Variants in LARGE1 observed in about 807,000 individuals in gnomAD.
LARGE1 encodes LARGE xylosyl- and glucuronyltransferase 1, also known as xylosyl- and glucuronyltransferase LARGE1.
Under a neutral mutation model 87.6 loss-of-function variants are expected in LARGE1, and 43 were observed. That is an observed-to-expected ratio of 0.49 (90% CI 0.38 to 0.63). The LOEUF (loss-of-function observed/expected upper bound fraction) is 0.63. Ranked by LOEUF, LARGE1 falls within the 30% of genes least tolerant of loss-of-function variation. The pLI is 0.00. For synonymous variants in LARGE1, 434 were observed against 394.6 expected, an observed-to-expected ratio of 1.10 and a Z score of -1.18; for missense variants, 802 against 1,000.2, an observed-to-expected ratio of 0.80 and a Z score of 2.67.
intron 1 of LARGE1, among the ~76,000 whole-genome samples, chr22:33,850,459 C>T (rs2063554499): frequency 6.6e-6 from 1 of 152,174 alleles, no homozygotes; most frequent in Non-Finnish European, 1.5e-5. Context: ...TTTCCGCCTC[C>T]TCATTTGCAA....
chr22:33,882,691 C>T lies in LARGE1; in HGVS notation c.-83+37304G>A, dbSNP rs140366613. Among the ~76,000 whole-genome samples the T allele has an allele frequency of 4.1e-3, 625 of 152,274 alleles. 2 individuals carry two copies. The highest frequency in any genetic ancestry group is 7.3e-3 in the Non-Finnish European group (494 of 68,032). ...CAGAGTAAAAGGATGCACTGAATTA[C>T]CTCACTTCAGCATGTCTAGGAAACC... On this transcript the variant is annotated intron_variant, in intron 1 of 14. Coordinates refer to ENST00000397394, the MANE Select transcript of LARGE1 (RefSeq NM_133642.5).
At chr22:33,535,813 C>T (rs1467572627) in intron 6 of LARGE1, among the ~76,000 whole-genome samples, 1 of 152,214 alleles carries the variant, frequency 6.6e-6, no homozygotes, top group East Asian at 1.9e-4. Flanking sequence ...TCTGTGATGT[C>T]GGTTCCCCCG....
intron 6 of LARGE1, among the ~76,000 whole-genome samples, chr22:33,480,117 G>A (rs931617707): frequency 2.6e-5 from 4 of 152,120 alleles, no homozygotes; most frequent in Admixed American, 6.5e-5. Flanking sequence ...TGCCCCCCAG[G>A]AGCTACTCAA....
chr22:33,389,884 AAC>A (rs1569120087), intron 7 of LARGE1, among the ~76,000 whole-genome samples: 33 of 151,024 alleles, frequency 2.2e-4, no homozygotes, highest in African/African-American at 7.6e-4. Context: ...CCAACCAACC[AAC>A]CAACCAAACA....
At chr22:33,696,259 CTTTCT>C (rs749588501) in intron 2 of LARGE1, among the ~76,000 whole-genome samples, 1,070 of 121,648 alleles carry the variant, frequency 8.8e-3, no homozygotes, top group South Asian at 0.019. Context: ...TTCTTTCTTT[CTTTCT>C]TTTTTTTTTT....
intron 10 of LARGE1, among the ~76,000 whole-genome samples, chr22:33,335,365 T>G (rs1311325283): frequency 6.6e-6 from 1 of 151,952 alleles, no homozygotes; most frequent in Non-Finnish European, 1.5e-5. Flanking sequence ...TCTAGGGTGA[T>G]GGGGAGAAGG....
In LARGE1 at chr22:33,446,511, A is replaced by G. The variant is rs189590499; in HGVS notation, c.788-14246T>C. On this transcript the variant is annotated intron_variant, in intron 6 of 14. Coordinates refer to ENST00000397394, the MANE Select transcript of LARGE1 (RefSeq NM_133642.5). ...CTAATTCTGGGTAGTTAGGGTCAGA[A>G]GTGAATTGAATTGAATTGCAGGACA... Among the ~76,000 whole-genome samples the G allele has an allele frequency of 1.1e-4, 16 of 152,330 alleles. No homozygotes were observed. In the East Asian group the frequency reaches 2.1e-3, roughly 20 times the overall value.
intron 4 of LARGE1, among the ~76,000 whole-genome samples, chr22:33,621,374 G>A (rs1028957183): frequency 2.0e-5 from 3 of 152,180 alleles, no homozygotes; most frequent in Non-Finnish European, 2.9e-5. Flanking sequence ...GTTGGCATTA[G>A]TGTGCAAGTG....
At chr22:33,487,416 C>T (rs760903612) in intron 6 of LARGE1, among the ~76,000 whole-genome samples, 7 of 152,164 alleles carry the variant, frequency 4.6e-5, no homozygotes, top group South Asian at 2.1e-4. Context: ...ATCAGTCTAA[C>T]GGGTTTCTTG....
chr22:33,679,483 C>T (rs2081681860), intron 2 of LARGE1, among the ~76,000 whole-genome samples: 1 of 151,948 alleles, frequency 6.6e-6, no homozygotes, highest in Admixed American at 6.6e-5. Context: ...CACACACACA[C>T]ACACACACGA....
intron 1 of LARGE1, among the ~76,000 whole-genome samples, chr22:33,849,114 C>T (rs2063512032): frequency 6.6e-6 from 1 of 152,202 alleles, no homozygotes; most frequent in African/African-American, 2.4e-5. Context: ...CCTCTCTGTT[C>T]TTGCACCATT....
At chr22:33,165,256 A>T (rs2146122165) in exon 12 of LARGE1, 1 of 152,250 alleles carries the variant, frequency 6.6e-6, no homozygotes, top group African/African-American at 2.4e-5. Flanking sequence ...TTAAGGAAAA[A>T]CCTTGATGAT....
intron 5 of LARGE1, among the ~76,000 whole-genome samples, chr22:33,574,932 T>C (rs752656542): frequency 8.5e-5 from 13 of 152,160 alleles, no homozygotes; most frequent in Admixed American, 7.2e-4. Context: ...TGTGATCTCA[T>C]CTATATTTTT....
chr22:33,212,161 A>AC (rs1422373995), intron 11 of LARGE1, among the ~76,000 whole-genome samples: 1 of 152,174 alleles, frequency 6.6e-6, no homozygotes, highest in African/African-American at 2.4e-5. Flanking sequence ...AGGTTAAAAA[A>AC]AAAAAAGCCA....
At chr22:33,425,259 CT>C (rs2066838172) in intron 7 of LARGE1, among the ~76,000 whole-genome samples, 1 of 152,006 alleles carries the variant, frequency 6.6e-6, no homozygotes, top group African/African-American at 2.4e-5. Context: ...AAGACTCTGT[CT>C]CAAAAAAACA....
intron 6 of LARGE1, among the ~76,000 whole-genome samples, chr22:33,554,235 GC>G (rs1273983990): frequency 6.6e-6 from 1 of 151,840 alleles, no homozygotes; most frequent in African/African-American, 2.4e-5. Context: ...ATTTCATCCT[GC>G]CCCCATCCAA....
intron 1 of LARGE1, among the ~76,000 whole-genome samples, chr22:33,833,637 C>A (rs1447149171): frequency 1.3e-5 from 2 of 152,184 alleles, no homozygotes; most frequent in African/African-American, 4.8e-5. Flanking sequence ...AACTAACACA[C>A]TAGGTGAGGT....
At chr22:33,508,097 C>T (rs1029939569) in intron 6 of LARGE1, among the ~76,000 whole-genome samples, 1 of 152,244 alleles carries the variant, frequency 6.6e-6, no homozygotes, top group Admixed American at 6.5e-5. Context: ...CACAACTAAA[C>T]ATCTGCCAGC....
chr22:33,329,111 C>G (rs1261770606), intron 10 of LARGE1, among the ~76,000 whole-genome samples: 1 of 152,174 alleles, frequency 6.6e-6, no homozygotes, highest in Non-Finnish European at 1.5e-5. Context: ...GGATACCCAG[C>G]AGGCTTTGGT....
Sources: gnomAD v4.1 joint callset for allele counts (sites outside exome capture counted in the v4.1 genomes callset) on GRCh38, gnomAD v4.1.1 for gene constraint, MANE v1.5 for transcripts, NCBI Gene and HGNC (gene_info 2026-07-23, HGNC 2026-07-21) for gene names.